Variants in TMED3 observed in about 807,000 individuals in gnomAD.
TMED3 encodes the protein transmembrane p24 trafficking protein 3.
In TMED3, 9 loss-of-function variants were observed where a neutral mutation model predicts 15.0. The ratio of observed to expected loss-of-function variants is 0.60; its 90% CI spans 0.36 to 1.04. The LOEUF (loss-of-function observed/expected upper bound fraction) is 1.04, where lower values mean the gene tolerates loss of function less well. TMED3 is among the 50% of genes least tolerant of loss of function. The pLI is 0.01. For synonymous variants in TMED3, 117 were observed against 121.4 expected, an observed-to-expected ratio of 0.96 and a Z score of 0.24; for missense variants, 267 against 278.9, an observed-to-expected ratio of 0.96 and a Z score of 0.30.
At chr15:79,337,665 C>G (rs748804948) in intron 2 of TMED3, among the ~76,000 whole-genome samples, 10 of 152,216 alleles carry the variant, frequency 6.6e-5, no homozygotes, top group Non-Finnish European at 1.3e-4. Context: ...CGATCACACA[C>G]TCGCATCAGC....
intron 2 of TMED3, among the ~76,000 whole-genome samples, chr15:79,401,773 A>G (rs1893837560): frequency 6.6e-6 from 1 of 152,254 alleles, no homozygotes; most frequent in African/African-American, 2.4e-5. Flanking sequence ...GAATCAGAAA[A>G]GAAGATTTTC....
At chr15:79,370,595 A>G (rs1893320931) in intron 2 of TMED3, among the ~76,000 whole-genome samples, 1 of 152,194 alleles carries the variant, frequency 6.6e-6, no homozygotes, top group South Asian at 2.1e-4. Context: ...ACTGATTGAT[A>G]ATGTCTCTTC....
chr15:79,337,651 A>G (rs568332174), intron 2 of TMED3, among the ~76,000 whole-genome samples: 2 of 152,322 alleles, frequency 1.3e-5, no homozygotes, highest in South Asian at 2.1e-4. Context: ...CTTTTATAAG[A>G]TATCGATCAC....
intron 2 of TMED3, among the ~76,000 whole-genome samples, chr15:79,334,427 C>T (rs770508010): frequency 6.6e-6 from 1 of 152,142 alleles, no homozygotes; most frequent in Non-Finnish European, 1.5e-5. Context: ...CTTCTCTTTT[C>T]CTCATTTCAG....
At chr15:79,384,940 G>A (rs1184780586) in intron 2 of TMED3, among the ~76,000 whole-genome samples, 2 of 152,170 alleles carry the variant, frequency 1.3e-5, no homozygotes, top group African/African-American at 2.4e-5. Context: ...AATGAAAGGC[G>A]TGAGTGAATA....
intron 2 of TMED3, among the ~76,000 whole-genome samples, chr15:79,354,409 A>G (rs553000332): frequency 3.5e-4 from 53 of 152,166 alleles, no homozygotes; most frequent in Non-Finnish European, 5.6e-4. Context: ...GAACAAGCTC[A>G]GGAAATTCTC....
intron 2 of TMED3, among the ~76,000 whole-genome samples, chr15:79,369,992 A>C (rs1367105174): frequency 6.6e-6 from 1 of 152,228 alleles, no homozygotes; most frequent in Non-Finnish European, 1.5e-5. Flanking sequence ...TTGGTTTATA[A>C]ATCCACTGTT....
At chr15:79,411,530 G>A (rs1415370023) in exon 3 of TMED3, 7 of 701,186 alleles carry the variant, frequency 1.0e-5, no homozygotes, top group African/African-American at 3.5e-5. Context: ...GAGGCACTGA[G>A]AGTGGATGGA....
At chr15:79,347,182 T>A (rs1476235560) in intron 2 of TMED3, among the ~76,000 whole-genome samples, 1 of 152,154 alleles carries the variant, frequency 6.6e-6, no homozygotes, top group Admixed American at 6.5e-5. Flanking sequence ...TTACCCACCA[T>A]GATCAAGTAG....
chr15:79,403,384 T>A (rs1193898847), intron 2 of TMED3, among the ~76,000 whole-genome samples: 1 of 152,120 alleles, frequency 6.6e-6, no homozygotes, highest in Non-Finnish European at 1.5e-5. Flanking sequence ...CTAGTCTAGG[T>A]TGCTTGGCTG....
rs1441110801 is a variant in TMED3 at position 79,331,063 on chromosome 15, G to T, written c.417+17058G>T. On this transcript the variant is annotated intron_variant, in intron 2 of 2. Transcript: ENST00000424155. ...TCATGAAGCCAACACTTCACATGGT[G>T]AAAGCAGGAGTATGAGACCAAGAGG... is the stretch of plus-strand genomic sequence containing the variant. Among the ~76,000 whole-genome samples, 3 of 152,292 alleles carry T rather than the reference G, an allele frequency of 2.0e-5. No homozygotes were observed. In the East Asian group the frequency reaches 5.8e-4, roughly 29 times the overall value.
intron 2 of TMED3, among the ~76,000 whole-genome samples, chr15:79,319,829 A>G (rs1420855221): frequency 6.6e-6 from 1 of 152,216 alleles, no homozygotes; most frequent in Non-Finnish European, 1.5e-5. Context: ...AGCTTATGCC[A>G]TTATTTCTGC....
chr15:79,341,553 G>A (rs1310981061), intron 2 of TMED3, among the ~76,000 whole-genome samples: 1 of 152,174 alleles, frequency 6.6e-6, no homozygotes. Flanking sequence ...TGCTGTTAGC[G>A]AGGCAGATGG....
intron 2 of TMED3, among the ~76,000 whole-genome samples, chr15:79,334,500 G>A (rs1319062879): frequency 6.6e-6 from 1 of 152,090 alleles, no homozygotes; most frequent in Non-Finnish European, 1.5e-5. Flanking sequence ...AGATGTGGCA[G>A]GTGAAGGAAG....
chr15:79,317,702 A>G (rs1414193931), intron 2 of TMED3, among the ~76,000 whole-genome samples: 25 of 152,046 alleles, frequency 1.6e-4, no homozygotes, highest in Admixed American at 1.6e-3. Flanking sequence ...CATCCCTCCC[A>G]CTGATTTCAA....
intron 1 of TMED3, among the ~76,000 whole-genome samples, chr15:79,311,620 C>T (rs2058714620): frequency 6.6e-6 from 1 of 152,182 alleles, no homozygotes; most frequent in Non-Finnish European, 1.5e-5. Context: ...CGAGCCTGGC[C>T]AGCGAGGAGG....
At chr15:79,374,047 G>T (rs574216576) in intron 2 of TMED3, among the ~76,000 whole-genome samples, 1 of 152,312 alleles carries the variant, frequency 6.6e-6, no homozygotes, top group South Asian at 2.1e-4. Flanking sequence ...AAATCTCTTA[G>T]TTAAATCTCT....
At chr15:79,317,510 A>C (rs1343591248) in intron 2 of TMED3, among the ~76,000 whole-genome samples, 1 of 152,216 alleles carries the variant, frequency 6.6e-6, no homozygotes, top group Non-Finnish European at 1.5e-5. Flanking sequence ...AAACTTGGAG[A>C]ATGGAATTAT....
chr15:79,385,575 C>T (rs1893615407), intron 2 of TMED3, among the ~76,000 whole-genome samples: 2 of 152,142 alleles, frequency 1.3e-5, no homozygotes, highest in Non-Finnish European at 2.9e-5. Context: ...TGGCTCCTGC[C>T]TGCTCCCTGG....
Sources: allele counts gnomAD v4.1 joint callset (sites outside exome capture counted in the v4.1 genomes callset), GRCh38; gene constraint gnomAD v4.1.1; transcripts MANE v1.5; gene names NCBI Gene and HGNC (gene_info 2026-07-23, HGNC 2026-07-21).